KIAA2012: variants seen among roughly 807,000 people sequenced by gnomAD.
KIAA2012 encodes the protein uncharacterized protein KIAA2012.
A neutral mutation model predicts 150.6 loss-of-function variants in KIAA2012; 125 were observed. The observed-to-expected ratio is 0.83, with a 90% CI of 0.72 to 0.96. KIAA2012 has a LOEUF of 0.96. Ranked by LOEUF, KIAA2012 falls within the 40% of genes least tolerant of loss-of-function variation. The probability of loss-of-function intolerance (pLI) is 0.00; values close to 1 mark genes in which losing one functional copy is unlikely to be tolerated. For synonymous variants in KIAA2012, 462 were observed against 504.7 expected (o/e 0.92, Z 1.13); for missense variants, 1,219 against 1,354.9 (o/e 0.90, Z 1.57).
rs1033103065 is a variant in KIAA2012 at position 202,193,409 on chromosome 2, G to A, written c.2920G>A (p.Glu974Lys). 15 of 1,550,322 alleles carry A rather than the reference G, an allele frequency of 9.7e-6. No individual in the cohort carries two copies. The highest frequency in any genetic ancestry group is 3.4e-4 in the Middle Eastern group (2 of 5,934). The change falls in exon 20 of 24, where the codon GAG (glutamate) becomes AAG (lysine). Residue 974 changes from glutamate to lysine, a missense_variant. By Grantham distance (56) the Glu-to-Lys change is moderately conservative (BLOSUM62 1). Coordinates refer to ENST00000498697, the MANE Select transcript of KIAA2012 (RefSeq NM_001277372.4). ...GGAGAAGAAGAGAAGGGAGCAGGAA[G>A]AGCAAAGGCAGCTCCAGCAGGAGCA... ...EVEKKRREQE[E>K]QRQLQQEQLE...
chr2:202,149,081 A>T (rs2105949586), intron 13 of KIAA2012, among the ~76,000 whole-genome samples: 1 of 152,198 alleles, frequency 6.6e-6, no homozygotes, highest in South Asian at 2.1e-4. Context: ...CCCTTCCAGG[A>T]TTTAGTTCCC....
intron 13 of KIAA2012, among the ~76,000 whole-genome samples, chr2:202,151,543 C>A (rs1186551333): frequency 2.0e-5 from 3 of 152,076 alleles, no homozygotes; most frequent in Admixed American, 2.0e-4. Flanking sequence ...CTCCTCTGAC[C>A]ATTTAAGCCA....
chr2:202,157,262 G>A (rs1251532588), intron 14 of KIAA2012, among the ~76,000 whole-genome samples: 2 of 152,252 alleles, frequency 1.3e-5, no homozygotes, highest in African/African-American at 2.4e-5. Flanking sequence ...GGATTGCCAT[G>A]TAGTAAGACA....
intron 13 of KIAA2012, among the ~76,000 whole-genome samples, chr2:202,151,208 C>T (rs548663085): frequency 6.6e-6 from 1 of 152,084 alleles, no homozygotes; most frequent in Non-Finnish European, 1.5e-5. Context: ...ACCAGCCTGG[C>T]CAACATAGCA....
intron 13 of KIAA2012, among the ~76,000 whole-genome samples, chr2:202,141,683 C>T (rs916341860): frequency 3.9e-5 from 6 of 152,106 alleles, no homozygotes; most frequent in African/African-American, 1.2e-4. Flanking sequence ...ATTTCTGCCT[C>T]GTGGCTCCTC....
chr2:202,145,955 G>A (rs963959937), intron 13 of KIAA2012, among the ~76,000 whole-genome samples: 10 of 152,048 alleles, frequency 6.6e-5, no homozygotes, highest in Non-Finnish European at 1.0e-4. Context: ...AAAGTGCTGG[G>A]ATTACAGGCT....
intron 15 of KIAA2012, among the ~76,000 whole-genome samples, chr2:202,177,422 AT>A (rs1288887206): frequency 6.6e-6 from 1 of 152,196 alleles, no homozygotes; most frequent in African/African-American, 2.4e-5. Context: ...AGATTGGGTA[AT>A]TTATGAAGAA....
At chr2:202,175,662 T>C (rs1211590148) in intron 15 of KIAA2012, among the ~76,000 whole-genome samples, 1 of 152,220 alleles carries the variant, frequency 6.6e-6, no homozygotes, top group Non-Finnish European at 1.5e-5. Flanking sequence ...ACACTGAATG[T>C]TCCAGCACCT....
chr2:202,122,609 TC>T (rs1378750995), intron 11 of KIAA2012, among the ~76,000 whole-genome samples: 1 of 151,406 alleles, frequency 6.6e-6, no homozygotes, highest in Non-Finnish European at 1.5e-5. Context: ...CAAGAGATTC[TC>T]CTGTCTCAGC....
At position 202,184,859 on chromosome 2, in the gene KIAA2012, TG is replaced by T; in HGVS notation, c.2210+17del. On this transcript the variant is annotated intron_variant, in intron 16 of 23. Coordinates refer to ENST00000498697, the MANE Select transcript of KIAA2012 (RefSeq NM_001277372.4). ...TGCAAAAAGTGTAAGTGTTCAAAGT[TG>T]TAATAACATAGGCTTCTCTGCTTTT... 6.6e-7 allele frequency: 1 copy of T among 1,522,732 alleles called. No homozygotes were observed. The highest frequency in any genetic ancestry group is 8.8e-7 in the Non-Finnish European group (1 of 1,131,734). 94.3% of individuals were successfully genotyped at this position (1,522,732 alleles called of 1,614,324 possible).
At chr2:202,187,220 C>A in intron 17 of KIAA2012, 122 bp downstream of exon 17, 1 of 1,068,096 alleles carries the variant, frequency 9.4e-7, no homozygotes, top group Non-Finnish European at 1.3e-6. Flanking sequence ...ATGAGGGGGG[C>A]ACTGAGGTCC....
intron 21 of KIAA2012, among the ~76,000 whole-genome samples, chr2:202,194,914 G>A (rs1199670571): frequency 2.0e-5 from 3 of 151,756 alleles, no homozygotes; most frequent in Non-Finnish European, 4.4e-5. Context: ...GATTACAGGC[G>A]CCCGCCACCA....
At chr2:202,124,305 A>G (rs1313627819) in intron 11 of KIAA2012, among the ~76,000 whole-genome samples, 5 of 152,232 alleles carry the variant, frequency 3.3e-5, no homozygotes, top group Non-Finnish European at 5.9e-5. Context: ...TCATTAAGAC[A>G]GCATTGTTTT....
chr2:202,161,393 C>T (rs1183863849), intron 14 of KIAA2012, among the ~76,000 whole-genome samples: 2 of 152,106 alleles, frequency 1.3e-5, no homozygotes, highest in Non-Finnish European at 2.9e-5. Context: ...CCCATTGGCC[C>T]TCTGGTTAAA....
At chr2:202,164,907 C>G (rs962807976) in intron 14 of KIAA2012, among the ~76,000 whole-genome samples, 1 of 151,986 alleles carries the variant, frequency 6.6e-6, no homozygotes, top group Non-Finnish European at 1.5e-5. Context: ...GTGCTTGATG[C>G]TGCTGGTGCC....
intron 15 of KIAA2012, among the ~76,000 whole-genome samples, chr2:202,182,529 G>A (rs1353896857): frequency 6.6e-6 from 1 of 152,010 alleles, no homozygotes; most frequent in Non-Finnish European, 1.5e-5. Flanking sequence ...GTATTGTATT[G>A]TATATATACA....
rs565957910 is a variant in KIAA2012, at chr2:202,200,517, T to C, written c.3408-1912T>C. Among the ~76,000 whole-genome samples, 3 of 151,890 alleles carry C rather than the reference T, an allele frequency of 2.0e-5. No individual in the cohort carries two copies. The East Asian group carries it at 5.8e-4, about 30-fold the overall frequency. On this transcript the variant is annotated intron_variant, in intron 22 of 23. Coordinates refer to ENST00000498697, the MANE Select transcript of KIAA2012 (RefSeq NM_001277372.4). ...GGAGAAGTACAAGGAAAGAAGGAAATTGGCTTTCGGTCCTGCACCATTGAT... is the reference window on the plus strand; with the variant it reads ...GGAGAAGTACAAGGAAAGAAGGAAACTGGCTTTCGGTCCTGCACCATTGAT...
rs554179441 is a variant in KIAA2012, at chr2:202,105,836, C to A, written c.1400C>A (p.Ala467Glu). 5.8e-6 allele frequency: 9 copies of A among 1,550,736 alleles called. No homozygotes were observed. Among genetic ancestry groups the A allele is most frequent in the African/African-American group, 2.7e-5 (2 of 73,162 alleles). The change falls in exon 9 of 24, where the codon GCG becomes GAG. Residue 467 changes from alanine (A) to glutamate (E), a missense_variant. By Grantham distance (107) the Ala-to-Glu change is moderately radical. Coordinates refer to ENST00000498697, the MANE Select transcript of KIAA2012 (RefSeq NM_001277372.4). The stretch of plus-strand genomic sequence containing the variant: ...GTGTGGAGACCTCCCCTGAAGCATG[C>A]GTCCTTAGAAACACCATGGGAGTTA... ...TPVWRPPLKHASLETPWELTV... is the reference protein window; with the variant it reads ...TPVWRPPLKHESLETPWELTV...
intron 22 of KIAA2012, chr2:202,202,030 G>A: frequency 5.2e-6 from 3 of 575,764 alleles, no homozygotes; most frequent in Non-Finnish European, 9.3e-6. Context: ...CGCAGTTTTT[G>A]TATTTTTAGT....
Sources: gnomAD v4.1 joint callset for allele counts (sites outside exome capture counted in the v4.1 genomes callset) on GRCh38, gnomAD v4.1.1 for gene constraint, MANE v1.5 for transcripts, NCBI Gene and HGNC (gene_info 2026-07-23, HGNC 2026-07-21) for gene names.